Variants in JMJD1C observed in about 807,000 individuals in gnomAD.
JMJD1C encodes the protein jumonji domain-containing protein 1C.
Under a neutral mutation model 245.3 loss-of-function variants are expected in JMJD1C, and 31 were observed. The ratio of observed to expected loss-of-function variants is 0.13; its 90% CI spans 0.09 to 0.17. The LOEUF is 0.17. JMJD1C is among the 10% of genes least tolerant of loss of function. JMJD1C has a pLI of 1.00. For synonymous variants in JMJD1C, 1,057 were observed against 1,017.4 expected (o/e 1.04, Z -0.74); for missense variants, 2,691 against 3,000.2 (o/e 0.90, Z 2.41).
chr10:63,350,435 T>G (rs1944254551), intron 2 of JMJD1C, among the ~76,000 whole-genome samples: 1 of 152,186 alleles, frequency 6.6e-6, no homozygotes, highest in South Asian at 2.1e-4. Flanking sequence ...TGCATAGTAA[T>G]AGTGCCAAGA....
In JMJD1C at chr10:63,253,385, AC is replaced by A. The variant is rs771789936; in HGVS notation, c.447+11265del. Reference sequence around the variant, plus strand: ...CAATGAAACTGGACCTTTATATTACACCTTTTTTTTTTTTTTGAGACGAAGT... The same window carrying A: ...CAATGAAACTGGACCTTTATATTACACTTTTTTTTTTTTTTGAGACGAAGT... On this transcript the variant is annotated intron_variant, in intron 3 of 25. Coordinates refer to ENST00000399262, the MANE Select transcript of JMJD1C (RefSeq NM_032776.3). Among the ~76,000 whole-genome samples the A allele has an allele frequency of 3.5e-4, 52 of 147,252 alleles. No individual in the cohort carries two copies. The East Asian group carries it at 8.7e-3, about 25-fold the overall frequency.
intron 2 of JMJD1C, among the ~76,000 whole-genome samples, chr10:63,327,666 GA>G (rs11286723): frequency 0.38 from 57,313 of 149,370 alleles, 11,238 homozygotes; most frequent in South Asian, 0.5. Flanking sequence ...AGGGTACACA[GA>G]AAAAATTTTT....
intron 2 of JMJD1C, among the ~76,000 whole-genome samples, chr10:63,364,005 G>T (rs529429957): frequency 6.6e-6 from 1 of 151,886 alleles, no homozygotes; most frequent in Non-Finnish European, 1.5e-5. Context: ...ACAGTAATGC[G>T]CCACCATTCT....
Position 63,213,887 on chromosome 10 carries a change from A to C in JMJD1C, c.2280T>G (p.Pro760=). 1 of 1,614,196 alleles carries C rather than the reference A, an allele frequency of 6.2e-7. No homozygotes were observed. Among genetic ancestry groups the C allele is most frequent in the Non-Finnish European group, 8.5e-7 (1 of 1,180,024 alleles). Reference sequence around the variant, plus strand: ...ATGATCCGGCTAGTAAATGGGGTGCAGGAGTTAAGGCAGGATGATGGGTAC... The same window carrying C: ...ATGATCCGGCTAGTAAATGGGGTGCCGGAGTTAAGGCAGGATGATGGGTAC... ...NPGTHHPALT[P]APHLLAGSSS... is the part of the protein sequence containing the mutation. The change falls in exon 8 of 26, where the codon CCT becomes CCG. Residue 760 remains proline (P), a synonymous_variant. Coordinates refer to ENST00000399262, the MANE Select transcript of JMJD1C (RefSeq NM_032776.3).
intron 8 of JMJD1C, 33 bp downstream of exon 8, chr10:63,213,440 T>C: frequency 8.1e-7 from 1 of 1,240,298 alleles, no homozygotes; most frequent in Non-Finnish European, 1.2e-6. Flanking sequence ...CATTAATATA[T>C]ACTGCTATGT....
intron 2 of JMJD1C, among the ~76,000 whole-genome samples, chr10:63,347,365 C>T (rs1472647829): frequency 4.0e-5 from 6 of 151,422 alleles, no homozygotes; most frequent in Non-Finnish European, 4.4e-5. Flanking sequence ...GGGTGGATCA[C>T]GAGGTCAGGA....
chr10:63,397,184 G>A (rs1948557887), intron 1 of JMJD1C, among the ~76,000 whole-genome samples: 1 of 152,050 alleles, frequency 6.6e-6, no homozygotes, highest in South Asian at 2.1e-4. Context: ...TCAAACAAAA[G>A]TAACTATTAT....
At chr10:63,325,089 A>T (rs1304824335) in intron 2 of JMJD1C, among the ~76,000 whole-genome samples, 1 of 152,238 alleles carries the variant, frequency 6.6e-6, no homozygotes, top group Admixed American at 6.5e-5. Context: ...TAGATGTCCT[A>T]TTAGGGACAA....
At chr10:63,181,896 G>A (rs769049350) in intron 22 of JMJD1C, among the ~76,000 whole-genome samples, 3 of 152,126 alleles carry the variant, frequency 2.0e-5, no homozygotes, top group South Asian at 2.1e-4. Context: ...CTGTGGCAGC[G>A]CTCAGACAAT....
chr10:63,269,385 AACAG>A (rs1435081399), intron 2 of JMJD1C: 10 of 179,650 alleles, frequency 5.6e-5, no homozygotes, highest in African/African-American at 2.1e-4. Context: ...TAATTTTAAC[AACAG>A]ACAAAGACAG....
chr10:63,368,900 C>T (rs549721251), intron 2 of JMJD1C, among the ~76,000 whole-genome samples: 1 of 151,790 alleles, frequency 6.6e-6, no homozygotes, highest in Admixed American at 6.6e-5. Flanking sequence ...TGCCCACCCT[C>T]GCCTCCCAAA....
At chr10:63,284,188 C>T (rs1472394109) in intron 2 of JMJD1C, among the ~76,000 whole-genome samples, 1 of 151,928 alleles carries the variant, frequency 6.6e-6, no homozygotes, top group Non-Finnish European at 1.5e-5. Context: ...ACACGCCTGG[C>T]TAATTTTTTG....
At chr10:63,174,640 C>T (rs1365256868) in intron 24 of JMJD1C, among the ~76,000 whole-genome samples, 2 of 152,094 alleles carry the variant, frequency 1.3e-5, no homozygotes, top group Non-Finnish European at 2.9e-5. Flanking sequence ...TCGAGACCAG[C>T]CTGACCAACG....
At chr10:63,408,425 C>T (rs189178012) in intron 1 of JMJD1C, among the ~76,000 whole-genome samples, 1 of 151,500 alleles carries the variant, frequency 6.6e-6, no homozygotes, top group Admixed American at 6.6e-5. Context: ...AGATAAAAAT[C>T]AATGTACATC....
intron 3 of JMJD1C, among the ~76,000 whole-genome samples, chr10:63,257,828 A>G (rs921917624): frequency 6.6e-6 from 1 of 152,228 alleles, no homozygotes; most frequent in East Asian, 1.9e-4. Flanking sequence ...TTCTTCATAA[A>G]AACTGGGAGA....
chr10:63,291,711 T>A (rs1858748949), intron 2 of JMJD1C, among the ~76,000 whole-genome samples: 2 of 151,852 alleles, frequency 1.3e-5, no homozygotes, highest in Non-Finnish European at 1.5e-5. Flanking sequence ...CACTATGGCC[T>A]CAAACTCTTG....
At chr10:63,378,451 G>A (rs1363160873) in intron 2 of JMJD1C, among the ~76,000 whole-genome samples, 1 of 151,988 alleles carries the variant, frequency 6.6e-6, no homozygotes, top group Non-Finnish European at 1.5e-5. Flanking sequence ...AATTAACCGG[G>A]CGTGGTGGCA....
intron 1 of JMJD1C, among the ~76,000 whole-genome samples, chr10:63,505,431 G>A (rs541275591): frequency 1.2e-4 from 19 of 152,110 alleles, no homozygotes; most frequent in African/African-American, 3.1e-4. Flanking sequence ...GGAATTTCAC[G>A]GTAAGATGAT....
intron 10 of JMJD1C, among the ~76,000 whole-genome samples, chr10:63,201,306 G>A (rs1469419477): frequency 6.6e-6 from 1 of 151,876 alleles, no homozygotes; most frequent in Non-Finnish European, 1.5e-5. Flanking sequence ...ACTGATGGTG[G>A]CAGTATCTTT....
Sources: allele counts gnomAD v4.1 joint callset (sites outside exome capture counted in the v4.1 genomes callset), GRCh38; gene constraint gnomAD v4.1.1; transcripts MANE v1.5; gene names NCBI Gene and HGNC (gene_info 2026-07-23, HGNC 2026-07-21).